The following AKAP19 variants were observed in gnomAD, a reference collection of about 807,000 sequenced individuals.
The protein encoded by AKAP19 is small A-kinase anchoring protein.
the AKAP19 span, chr2:190,180,654 G>A: frequency 5.1e-6 from 5 of 985,348 alleles, no homozygotes; most frequent in Non-Finnish European, 6.0e-6. This position sits in a 1 kb window ranked among gnomAD's most constrained non-coding sequence, Gnocchi z 6.8. Flanking sequence ...CTCGGACCCT[G>A]CGCCTGAGGA....
At chr2:190,180,153 C>T in the AKAP19 span, among the ~76,000 whole-genome samples, 1 of 152,254 alleles carries the variant, frequency 6.6e-6, no homozygotes, top group Non-Finnish European at 1.5e-5. This position sits in a 1 kb window ranked among gnomAD's most constrained non-coding sequence, Gnocchi z 6.8. Context: ...AACACTTTTG[C>T]TCTGCATACT....
chr2:190,094,999 C>T, the AKAP19 span, among the ~76,000 whole-genome samples: 11 of 152,234 alleles, frequency 7.2e-5, no homozygotes, highest in African/African-American at 2.2e-4. Context: ...CCGAGATGGG[C>T]GGATCATGAG....
the AKAP19 span, among the ~76,000 whole-genome samples, chr2:190,039,156 G>A: frequency 6.6e-6 from 1 of 151,450 alleles, no homozygotes; most frequent in Non-Finnish European, 1.5e-5. Context: ...TCAGCTCACT[G>A]CAACCTCTAC....
the AKAP19 span, among the ~76,000 whole-genome samples, chr2:190,078,286 A>G: frequency 2.6e-5 from 4 of 152,288 alleles, no homozygotes; most frequent in Non-Finnish European, 4.4e-5. Flanking sequence ...TTATAGTCTT[A>G]TGCTGCCAGT....
chr2:190,185,085 T>C, the AKAP19 span, among the ~76,000 whole-genome samples: 2 of 152,254 alleles, frequency 1.3e-5, no homozygotes, highest in East Asian at 1.9e-4. Flanking sequence ...TCCATGTCTC[T>C]ATACCAGAGT....
the AKAP19 span, chr2:190,060,011 T>G: frequency 5.1e-6 from 8 of 1,564,818 alleles, no homozygotes; most frequent in Non-Finnish European, 7.0e-6. Flanking sequence ...TTGTTCATAT[T>G]ATGAATAAAA....
the AKAP19 span, among the ~76,000 whole-genome samples, chr2:189,968,894 AAAT>A: frequency 2.8e-3 from 431 of 152,114 alleles, 5 homozygotes; most frequent in African/African-American, 9.8e-3. Context: ...TTTATCATAC[AAAT>A]AATATTTCCT....
At chr2:189,994,428 G>A in the AKAP19 span, among the ~76,000 whole-genome samples, 1 of 151,950 alleles carries the variant, frequency 6.6e-6, no homozygotes, top group East Asian at 1.9e-4. Context: ...TTTGATGTAG[G>A]CATTTAATGT....
At chr2:190,059,934 C>T in the AKAP19 span, 4 of 898,968 alleles carry the variant, frequency 4.4e-6, no homozygotes, top group East Asian at 7.9e-5. Flanking sequence ...ACAGGGCTAC[C>T]GTTGGGGTAA....
At chr2:189,900,022 T>C in the AKAP19 span, among the ~76,000 whole-genome samples, 1 of 152,306 alleles carries the variant, frequency 6.6e-6, no homozygotes, top group East Asian at 1.9e-4. Flanking sequence ...ATTGCTTTTC[T>C]GGTTTGTCAA....
chr2:190,099,049 C>G, the AKAP19 span, among the ~76,000 whole-genome samples: 1 of 152,210 alleles, frequency 6.6e-6, no homozygotes, highest in Non-Finnish European at 1.5e-5. Context: ...TCTTCTGTCT[C>G]AACCACTCAA....
At chr2:190,154,525 C>T in the AKAP19 span, among the ~76,000 whole-genome samples, 1 of 152,158 alleles carries the variant, frequency 6.6e-6, no homozygotes, top group Non-Finnish European at 1.5e-5. Context: ...CTTTATAAAT[C>T]GCTTTTGGGT....
the AKAP19 span, among the ~76,000 whole-genome samples, chr2:189,932,530 A>G: frequency 3.3e-5 from 5 of 151,948 alleles, no homozygotes; most frequent in Non-Finnish European, 7.4e-5. Flanking sequence ...ATTTTGGGGA[A>G]GAATTATCCC....
the AKAP19 span, among the ~76,000 whole-genome samples, chr2:190,195,940 GCTT>G: frequency 2.9e-5 from 1 of 34,362 alleles, no homozygotes; most frequent in Admixed American, 3.0e-4. Context: ...ACTGTGTCCA[GCTT>G]TTTTTTTTTT....
the AKAP19 span, among the ~76,000 whole-genome samples, chr2:190,181,568 T>G: frequency 6.6e-6 from 1 of 151,948 alleles, no homozygotes; most frequent in Non-Finnish European, 1.5e-5. Flanking sequence ...TTAAGAGGAG[T>G]AGACGGGTAA....
the AKAP19 span, among the ~76,000 whole-genome samples, chr2:190,018,279 C>G: frequency 2.0e-5 from 3 of 151,984 alleles, no homozygotes; most frequent in East Asian, 3.8e-4. Flanking sequence ...CCTATTCTAT[C>G]AACTTTTTAC....
chr2:189,966,444 A>G, the AKAP19 span, among the ~76,000 whole-genome samples: 4 of 152,228 alleles, frequency 2.6e-5, no homozygotes, highest in African/African-American at 9.6e-5. Flanking sequence ...GCAAACTACA[A>G]AAAATGAGAT....
At chr2:189,923,794 A>C in the AKAP19 span, 2 of 1,612,456 alleles carry the variant, frequency 1.2e-6, no homozygotes, top group Non-Finnish European at 1.7e-6. Context: ...GAAACACTTC[A>C]CAAAGGGGCA....
the AKAP19 span, among the ~76,000 whole-genome samples, chr2:190,060,907 G>A: frequency 2.6e-5 from 4 of 151,938 alleles, no homozygotes; most frequent in African/African-American, 9.7e-5. Context: ...GCAACTTACT[G>A]AGCCTCAGGA....
Sources: gnomAD v4.1 joint callset for allele counts (sites outside exome capture counted in the v4.1 genomes callset) on GRCh38, gnomAD v4.1.1 for gene constraint, Gnocchi (gnomAD v3.1) non-coding constraint, MANE v1.5 for transcripts, NCBI Gene and HGNC (gene_info 2026-07-23, HGNC 2026-07-21) for gene names.